The following PTPRD variants were observed in gnomAD, a reference collection of about 807,000 sequenced individuals.
The protein encoded by PTPRD is receptor-type tyrosine-protein phosphatase delta.
In PTPRD, 34 loss-of-function variants were observed where a neutral mutation model predicts 214.5. The observed-to-expected ratio is 0.16, with a 90% CI of 0.12 to 0.21. The LOEUF (loss-of-function observed/expected upper bound fraction) is 0.21, where lower values mean the gene tolerates loss of function less well. Among genes scored for constraint, PTPRD ranks in the 10% least tolerant of loss-of-function variants. PTPRD has a pLI of 1.00. For synonymous variants in PTPRD, 1,128 were observed against 845.7 expected (o/e 1.33, Z -5.79); for missense variants, 2,545 against 2,398.7 (o/e 1.06, Z -1.27).
chr9:8,979,745 T>G (rs1338922515), intron 11 of PTPRD, among the ~76,000 whole-genome samples: 1 of 152,092 alleles, frequency 6.6e-6, no homozygotes, highest in Non-Finnish European at 1.5e-5. Flanking sequence ...TAACAAATGT[T>G]GGTGACTGGA....
chr9:10,530,505 C>T (rs2055901656), intron 2 of PTPRD, among the ~76,000 whole-genome samples: 1 of 151,974 alleles, frequency 6.6e-6, no homozygotes, highest in African/African-American at 2.4e-5. Flanking sequence ...GTTTTGAATG[C>T]TAAGTATTAT....
intron 3 of PTPRD, among the ~76,000 whole-genome samples, chr9:10,261,194 G>GAAAAC (rs888897319): frequency 2.7e-5 from 4 of 150,840 alleles, no homozygotes; most frequent in Non-Finnish European, 4.4e-5. Flanking sequence ...ACAACTTGGA[G>GAAAAC]AAAACAAAAC....
At chr9:10,223,300 C>T (rs917218785) in intron 3 of PTPRD, among the ~76,000 whole-genome samples, 1 of 151,782 alleles carries the variant, frequency 6.6e-6, no homozygotes, top group East Asian at 2.0e-4. Context: ...CCATTTTATG[C>T]CCATGTCCTG....
chr9:10,228,721 T>A (rs1054565144), intron 3 of PTPRD, among the ~76,000 whole-genome samples: 1 of 149,732 alleles, frequency 6.7e-6, no homozygotes, highest in African/African-American at 2.4e-5. Context: ...ATATTATATG[T>A]ATAAATTACA....
At chr9:10,603,540 C>T (rs1333224393) in intron 2 of PTPRD, among the ~76,000 whole-genome samples, 3 of 151,800 alleles carry the variant, frequency 2.0e-5, no homozygotes, top group African/African-American at 4.8e-5. Flanking sequence ...TGGGAAAATA[C>T]GTTATTAACT....
In PTPRD at chr9:8,929,888, T is replaced by C. The variant is rs1205152323; in HGVS notation, c.-104+88809A>G. Among the ~76,000 whole-genome samples the C allele has an allele frequency of 1.9e-5, 2 of 106,478 alleles. 1 individual carries two copies. 69.9% of individuals were successfully genotyped at this position (106,478 alleles called of 152,430 possible). A position where few individuals can be genotyped will look rare whatever the true frequency, so the allele number is the denominator to read the frequency against. On this transcript the variant is annotated intron_variant, in intron 11 of 45. Coordinates refer to ENST00000381196, the MANE Select transcript of PTPRD (RefSeq NM_002839.4). ...ATACATGTGTGTGTATATATGTGTG[T>C]GTATATATATGTGTATATATATGTG... is the stretch of plus-strand genomic sequence containing the variant.
intron 3 of PTPRD, among the ~76,000 whole-genome samples, chr9:10,295,637 A>G (rs1480077871): frequency 1.3e-5 from 2 of 152,070 alleles, no homozygotes; most frequent in Admixed American, 6.6e-5. Context: ...TGGTCCTTCA[A>G]TATATCCATA....
chr9:8,758,138 C>A (rs1008427821), intron 11 of PTPRD, among the ~76,000 whole-genome samples: 4 of 152,118 alleles, frequency 2.6e-5, no homozygotes, highest in African/African-American at 9.7e-5. Context: ...ATCAGAGATG[C>A]AGGAAGGATT....
intron 9 of PTPRD, among the ~76,000 whole-genome samples, chr9:9,204,125 A>G (rs1274277630): frequency 6.6e-6 from 1 of 152,170 alleles, no homozygotes; most frequent in African/African-American, 2.4e-5. Context: ...ACAGATGTGA[A>G]TTCATCATGT....
intron 2 of PTPRD, among the ~76,000 whole-genome samples, chr9:10,425,156 G>A (rs73406145): frequency 0.042 from 6,398 of 152,032 alleles, 462 homozygotes; most frequent in African/African-American, 0.14. Flanking sequence ...AGAGACCAGT[G>A]ATAATGGTCT....
intron 5 of PTPRD, among the ~76,000 whole-genome samples, chr9:9,775,065 C>A (rs528971674): frequency 6.6e-6 from 1 of 152,176 alleles, no homozygotes; most frequent in African/African-American, 2.4e-5. Flanking sequence ...TTTCTGAGAG[C>A]TAAACTTGAG....
chr9:9,040,510 C>T (rs1055710654), intron 10 of PTPRD, among the ~76,000 whole-genome samples: 2 of 152,092 alleles, frequency 1.3e-5, no homozygotes, highest in African/African-American at 2.4e-5. Context: ...TTTACATATT[C>T]AACCGCACTC....
chr9:9,646,343 G>T (rs951646695), intron 7 of PTPRD, among the ~76,000 whole-genome samples: 1 of 147,086 alleles, frequency 6.8e-6, no homozygotes, highest in African/African-American at 2.7e-5. Context: ...GTGTGTGTGT[G>T]GGTGTGTGTG....
chr9:10,366,962 C>T (rs1173144332), intron 2 of PTPRD, among the ~76,000 whole-genome samples: 1 of 151,816 alleles, frequency 6.6e-6, no homozygotes, highest in Non-Finnish European at 1.5e-5. Context: ...ATTTCATGAC[C>T]TGGGTGGTGA....
At chr9:8,477,359 G>A (rs1358131540) in intron 30 of PTPRD, among the ~76,000 whole-genome samples, 1 of 151,810 alleles carries the variant, frequency 6.6e-6, no homozygotes, top group Non-Finnish European at 1.5e-5. Context: ...GATTTAATTA[G>A]ATAAGTTAAA....
intron 5 of PTPRD, among the ~76,000 whole-genome samples, chr9:9,849,437 T>C (rs2060135193): frequency 6.6e-6 from 1 of 152,140 alleles, no homozygotes; most frequent in South Asian, 2.1e-4. Context: ...CCTGTGCTAG[T>C]TTGGCTAAAT....
At chr9:8,579,823 G>C (rs774419616) in intron 14 of PTPRD, among the ~76,000 whole-genome samples, 1 of 152,190 alleles carries the variant, frequency 6.6e-6, no homozygotes, top group Non-Finnish European at 1.5e-5. Context: ...TAGTATGTTA[G>C]ATGGAAACGG....
intron 11 of PTPRD, among the ~76,000 whole-genome samples, chr9:8,779,727 C>A (rs1168990207): frequency 6.6e-6 from 1 of 151,968 alleles, no homozygotes; most frequent in Admixed American, 6.6e-5. Flanking sequence ...TCCACAAACT[C>A]AGCCAAATCG....
chr9:8,866,514 T>C (rs1294405818), intron 11 of PTPRD, among the ~76,000 whole-genome samples: 1 of 152,084 alleles, frequency 6.6e-6, no homozygotes, highest in East Asian at 1.9e-4. Flanking sequence ...GTAACTCCCA[T>C]GCTAAAAAAA....
Sources: gnomAD v4.1 joint callset for allele counts (sites outside exome capture counted in the v4.1 genomes callset) on GRCh38, gnomAD v4.1.1 for gene constraint, MANE v1.5 for transcripts, NCBI Gene and HGNC (gene_info 2026-07-23, HGNC 2026-07-21) for gene names.